HERC1: variants seen among roughly 807,000 people sequenced by gnomAD.
HERC1 encodes probable E3 ubiquitin-protein ligase HERC1.
Under a neutral mutation model 554.3 loss-of-function variants are expected in HERC1, and 160 were observed. That is an observed-to-expected ratio of 0.29 (90% CI 0.25 to 0.33). The LOEUF is 0.33. Among genes scored for constraint, HERC1 ranks in the 10% least tolerant of loss-of-function variants. The pLI, the probability that HERC1 is intolerant of heterozygous loss-of-function variation, is 1.00. For missense variants in HERC1, 4,919 were observed against 5,918.5 expected (o/e 0.83, Z 5.54); for synonymous variants, 2,175 against 2,131.7 (o/e 1.02, Z -0.56).
chr15:63,820,992 T>C (rs1567162058), intron 1 of HERC1, among the ~76,000 whole-genome samples: 1 of 152,226 alleles, frequency 6.6e-6, no homozygotes, highest in East Asian at 1.9e-4. Flanking sequence ...ACATATTACT[T>C]AGCACACTCG....
intron 76 of HERC1, among the ~76,000 whole-genome samples, chr15:63,613,450 G>C (rs2067687712): frequency 6.6e-6 from 1 of 152,090 alleles, no homozygotes; most frequent in African/African-American, 2.4e-5. Context: ...TTCAAGGTTT[G>C]TTTCATAAAT....
At chr15:63,712,933 A>C (rs2073375239) in intron 23 of HERC1, 38 bp from the exon 24 acceptor site, 1 of 1,580,260 alleles carries the variant, frequency 6.3e-7, no homozygotes, top group South Asian at 1.1e-5. Context: ...TTTTTGATTT[A>C]GGACTGTTAG....
intron 2 of HERC1, among the ~76,000 whole-genome samples, chr15:63,767,558 C>T (rs1022224586): frequency 6.6e-6 from 1 of 152,024 alleles, no homozygotes; most frequent in Non-Finnish European, 1.5e-5. Flanking sequence ...TTTAGCCGGG[C>T]GTGGTGGCGG....
At chr15:63,746,569 A>G (rs1249154113) in intron 12 of HERC1, among the ~76,000 whole-genome samples, 1 of 152,158 alleles carries the variant, frequency 6.6e-6, no homozygotes, top group Non-Finnish European at 1.5e-5. Flanking sequence ...TTCAGTTACT[A>G]CTACTGACCA....
chr15:63,714,534 T>C (rs967093773), intron 22 of HERC1, among the ~76,000 whole-genome samples: 1 of 147,606 alleles, frequency 6.8e-6, no homozygotes, highest in Non-Finnish European at 1.5e-5. Flanking sequence ...TCTTCTTTTT[T>C]TCCTTTTTCT....
chr15:63,663,303 C>T (rs1433223921), intron 43 of HERC1, 99 bp from the exon 44 acceptor site: 13 of 938,602 alleles, frequency 1.4e-5, no homozygotes, highest in Non-Finnish European at 2.2e-5. Context: ...GAGAACCTAT[C>T]TCAGTTGTCT....
chr15:63,787,851 G>A (rs974288632), intron 1 of HERC1, among the ~76,000 whole-genome samples: 1 of 151,356 alleles, frequency 6.6e-6, no homozygotes, highest in Non-Finnish European at 1.5e-5. Flanking sequence ...TGTGGTCCCA[G>A]CTGGGGAGGC....
chr15:63,691,850 A>T (rs1008431809), intron 31 of HERC1, among the ~76,000 whole-genome samples: 1 of 152,236 alleles, frequency 6.6e-6, no homozygotes, highest in African/African-American at 2.4e-5. Flanking sequence ...TTGTATATTT[A>T]AATGATTAAA....
intron 25 of HERC1, among the ~76,000 whole-genome samples, chr15:63,700,359 T>C (rs1475408712): frequency 1.3e-5 from 2 of 152,106 alleles, no homozygotes; most frequent in Non-Finnish European, 2.9e-5. Context: ...TAAATATGCA[T>C]AAAAATTATA....
At chr15:63,611,506 C>T (rs2067589594) in intron 77 of HERC1, among the ~76,000 whole-genome samples, 1 of 152,232 alleles carries the variant, frequency 6.6e-6, no homozygotes, top group Admixed American at 6.5e-5. Context: ...GCCTGCTCCA[C>T]AAGGCACACA....
In HERC1 at chr15:63,716,367, T is replaced by C. The variant is rs1459484464; in HGVS notation, c.4085A>G (p.Glu1362Gly). The C allele has an allele frequency of 1.2e-6, 2 of 1,613,862 alleles. No homozygotes were observed. Among genetic ancestry groups the C allele is most frequent in the Non-Finnish European group, 1.7e-6 (2 of 1,179,834 alleles). The stretch of plus-strand genomic sequence containing the variant: ...ATCCTCTGGCTCCGGATGCCCCTCT[T>C]CCCGGTCTCTCTCAGCCTGTTCTTC... ...EMEEQAERDR[E>G]EGHPEPEDEE... The change falls in exon 22 of 78, where the codon GAA (glutamate) becomes GGA (glycine). Residue 1362 changes from glutamate to glycine, a missense_variant. Transcript: ENST00000443617.
chr15:63,696,282 CT>C lies in HERC1; in HGVS notation c.4962del (p.Gly1655ValfsTer10). On this transcript the variant is annotated frameshift_variant, in exon 27 of 78. Transcript: ENST00000443617. LOFTEE classifies it high-confidence loss of function. ...ILVLLSGMEE[K>X]GSISLAGSRL... ...CTGCTTCCTGCCAGTGAGATGCTAC[CT>C]TTTTCTTCCATCCCAGACAATAGAA... The C allele has an allele frequency of 6.2e-7, 1 of 1,613,342 alleles. No homozygotes were observed. Among genetic ancestry groups the C allele is most frequent in the Non-Finnish European group, 8.5e-7 (1 of 1,179,658 alleles).
chr15:63,713,751 G>A, intron 22 of HERC1, 86 bp from the exon 23 acceptor site: 1 of 1,266,516 alleles, frequency 7.9e-7, no homozygotes, highest in Non-Finnish European at 1.1e-6. Context: ...CAAAAAGTTT[G>A]GACCAAAAAC....
At position 63,759,979 on chromosome 15, in the gene HERC1, G is replaced by A. The variant is rs774596156; in HGVS notation, c.1027-1610C>T. 4.6e-5 allele frequency among the ~76,000 whole-genome samples: 7 copies of A among 152,166 alleles called. No individual in the cohort carries two copies. The South Asian group carries it at 6.2e-4, about 13-fold the overall frequency. On this transcript the variant is annotated intron_variant, in intron 3 of 77. Transcript: ENST00000443617. ...GCTGGAGATAAAGGAGGATAGTGGG[G>A]CCAAGGGAGTCAGAATTGCTCATCT...
Position 63,640,256 on chromosome 15 carries a change from T to A in HERC1, c.11797A>T (p.Thr3933Ser). The change falls in exon 61 of 78, where the codon ACT (threonine) becomes TCT (serine). Residue 3933 changes from threonine to serine, a missense_variant. Around this residue, in one of 11 missense-constraint regions of HERC1, gnomAD observed 1,963 missense variants for 2,228.6 expected, o/e 0.88. Transcript: ENST00000443617. ...EWAWLECFST[T>S]IKAAEALTNG... ...GTCAGGGCTTCGGCAGCTTTTATAG[T>A]GGTTGAGAAACATTCTAACCAGGCC... 1 of 1,613,970 alleles carries A rather than the reference T, an allele frequency of 6.2e-7. No homozygotes were observed. Among genetic ancestry groups the A allele is most frequent in the Non-Finnish European group, 8.5e-7 (1 of 1,179,840 alleles).
chr15:63,755,438 A>C (rs1206270730), intron 5 of HERC1, 113 bp from the exon 6 acceptor site: 1 of 813,632 alleles, frequency 1.2e-6, no homozygotes, highest in African/African-American at 1.7e-5. Flanking sequence ...CCCATCCAGG[A>C]ATTTCCAGGT....
intron 1 of HERC1, among the ~76,000 whole-genome samples, chr15:63,816,278 A>G (rs1360407269): frequency 1.3e-5 from 2 of 152,254 alleles, no homozygotes; most frequent in Non-Finnish European, 2.9e-5. Context: ...AATAAAGTAC[A>G]CATTGTTTCC....
At chr15:63,650,355 C>T (rs2069605883) in intron 53 of HERC1, among the ~76,000 whole-genome samples, 1 of 151,934 alleles carries the variant, frequency 6.6e-6, no homozygotes, top group Admixed American at 6.6e-5. Flanking sequence ...GCCTGAATGA[C>T]AGAGCAAGAC....
chr15:63,797,608 C>T (rs928652933), intron 1 of HERC1, among the ~76,000 whole-genome samples: 3 of 152,166 alleles, frequency 2.0e-5, no homozygotes, highest in African/African-American at 7.2e-5. Flanking sequence ...AAACCCTAAA[C>T]TCCAAGCCTT....
Sources: allele counts gnomAD v4.1 joint callset (sites outside exome capture counted in the v4.1 genomes callset), GRCh38; gene constraint gnomAD v4.1.1; regional missense constraint gnomAD v4.1.1; transcripts MANE v1.5; gene names NCBI Gene and HGNC (gene_info 2026-07-23, HGNC 2026-07-21).